The following CERKL variants were observed in gnomAD, a reference collection of about 807,000 sequenced individuals.
The protein encoded by CERKL is ceramide kinase-like protein.
CERKL carries 61 observed loss-of-function variants against 63.4 expected under a neutral mutation model. The observed-to-expected ratio is 0.96, with a 90% CI of 0.78 to 1.19. The LOEUF (loss-of-function observed/expected upper bound fraction) is 1.19, where lower values mean the gene tolerates loss of function less well. CERKL is among the 50% of genes most tolerant of loss of function. CERKL has a pLI of 0.00. For synonymous variants in CERKL, 250 were observed against 230.5 expected (o/e 1.08, Z -0.77); for missense variants, 675 against 655.5 (o/e 1.03, Z -0.33).
intron 2 of CERKL, among the ~76,000 whole-genome samples, chr2:181,582,515 A>G (rs1684559568): frequency 8.2e-6 from 1 of 122,136 alleles, no homozygotes; most frequent in African/African-American, 3.7e-5. Context: ...AATATTGTCA[A>G]CATATATATA....
At chr2:181,611,598 T>C (rs1685972431) in intron 1 of CERKL, among the ~76,000 whole-genome samples, 1 of 152,178 alleles carries the variant, frequency 6.6e-6, no homozygotes, top group African/African-American at 2.4e-5. Context: ...GGTAGGAGGA[T>C]TCCTTTAGCC....
intron 4 of CERKL, among the ~76,000 whole-genome samples, chr2:181,559,828 G>A (rs550261011): frequency 2.0e-5 from 3 of 152,108 alleles, no homozygotes; most frequent in South Asian, 2.1e-4. Context: ...TCTTTCTCTC[G>A]GCCATCTATT....
At chr2:181,572,365 A>G (rs953987647) in intron 3 of CERKL, among the ~76,000 whole-genome samples, 3 of 152,210 alleles carry the variant, frequency 2.0e-5, no homozygotes, top group Non-Finnish European at 2.9e-5. Flanking sequence ...CGCATCCTGC[A>G]CTATGTTGAA....
At chr2:181,579,919 G>A (rs1684426733) in intron 2 of CERKL, among the ~76,000 whole-genome samples, 1 of 151,658 alleles carries the variant, frequency 6.6e-6, no homozygotes, top group African/African-American at 2.4e-5. Flanking sequence ...TTTCTGCACT[G>A]CCCATCTGAG....
chr2:181,571,813 A>G (rs2105843007), intron 3 of CERKL, among the ~76,000 whole-genome samples: 1 of 152,312 alleles, frequency 6.6e-6, no homozygotes, highest in East Asian at 1.9e-4. Context: ...ATGGTTAAAT[A>G]AATGATTATT....
rs1354027087 is a variant in CERKL, at chr2:181,537,784, G to C, written c.*400C>G. On this transcript the variant is annotated 3_prime_UTR_variant, in exon 13 of 13. Coordinates refer to ENST00000410087, the MANE Select transcript of CERKL (RefSeq NM_201548.5). Reference sequence around the variant, plus strand: ...GATATCTAAAAACAGAATTTGAATTGATATTTCATCTTGACTTTTAAAGCC... The same window carrying C: ...GATATCTAAAAACAGAATTTGAATTCATATTTCATCTTGACTTTTAAAGCC... The C allele has an allele frequency of 2.2e-6, 1 of 456,556 alleles. No homozygotes were observed. The highest frequency in any genetic ancestry group is 2.4e-5 in the Admixed American group (1 of 42,012). The allele number at this position is 456,556 out of a possible 1,614,324, so 28.3% of individuals were successfully genotyped here.
intron 5 of CERKL, among the ~76,000 whole-genome samples, chr2:181,556,643 T>C (rs575315933): frequency 6.6e-6 from 1 of 152,220 alleles, no homozygotes; most frequent in African/African-American, 2.4e-5. Context: ...CAGTCTATCA[T>C]TGTTGGACAT....
chr2:181,619,488 C>A (rs545709651), intron 1 of CERKL, among the ~76,000 whole-genome samples: 3 of 152,270 alleles, frequency 2.0e-5, no homozygotes, highest in Non-Finnish European at 4.4e-5. Context: ...ACAATATCTT[C>A]ATCATTATCT....
intron 1 of CERKL, among the ~76,000 whole-genome samples, chr2:181,619,623 C>T (rs1436028713): frequency 3.3e-5 from 5 of 152,188 alleles, no homozygotes; most frequent in African/African-American, 1.2e-4. Context: ...ACACTGTATA[C>T]ATTTCCACCT....
At chr2:181,544,954 G>A (rs747115548) in intron 10 of CERKL, among the ~76,000 whole-genome samples, 158 bp from the exon 11 acceptor site, 13 of 152,050 alleles carry the variant, frequency 8.5e-5, no homozygotes, top group Non-Finnish European at 1.3e-4. Flanking sequence ...TTCATAAACC[G>A]TATCTTGCTA....
At chr2:181,608,568 G>T (rs550090090) in intron 1 of CERKL, among the ~76,000 whole-genome samples, 1 of 152,214 alleles carries the variant, frequency 6.6e-6, no homozygotes, top group Non-Finnish European at 1.5e-5. Context: ...ACAACTCAAT[G>T]ACTATTCCAA....
chr2:181,641,608 A>G (rs1687446577), intron 1 of CERKL, among the ~76,000 whole-genome samples: 4 of 152,106 alleles, frequency 2.6e-5, no homozygotes, highest in Admixed American at 2.6e-4. Flanking sequence ...CATTTTTCAA[A>G]AGCTATATCT....
chr2:181,624,109 G>A (rs1213131852), intron 1 of CERKL, among the ~76,000 whole-genome samples: 1 of 152,142 alleles, frequency 6.6e-6, no homozygotes, highest in East Asian at 1.9e-4. Flanking sequence ...GCAGGAGAGG[G>A]ATAAGACATA....
intron 1 of CERKL, among the ~76,000 whole-genome samples, chr2:181,644,417 T>C (rs1200406168): frequency 1.3e-5 from 2 of 152,246 alleles, no homozygotes; most frequent in East Asian, 1.9e-4. Flanking sequence ...AAAATGACCA[T>C]AATTTAAGAT....
At chr2:181,653,952 ATAAC>A (rs905377688) in intron 1 of CERKL, among the ~76,000 whole-genome samples, 15 of 152,244 alleles carry the variant, frequency 9.9e-5, no homozygotes, top group Admixed American at 3.9e-4. Flanking sequence ...GAGGTGAAGG[ATAAC>A]TAACTACTTT....
intron 1 of CERKL, among the ~76,000 whole-genome samples, chr2:181,624,047 C>T (rs1451820895): frequency 6.6e-6 from 1 of 152,058 alleles, no homozygotes; most frequent in South Asian, 2.1e-4. Flanking sequence ...GTGGCAAATG[C>T]ATACTTGGTG....
At chr2:181,622,122 A>C (rs894172429) in intron 1 of CERKL, among the ~76,000 whole-genome samples, 1 of 152,236 alleles carries the variant, frequency 6.6e-6, no homozygotes, top group Admixed American at 6.5e-5. Context: ...AGTCTTAACT[A>C]TTTTTAAGAA....
chr2:181,629,032 A>T (rs1686834130), intron 1 of CERKL, among the ~76,000 whole-genome samples: 1 of 152,198 alleles, frequency 6.6e-6, no homozygotes, highest in Non-Finnish European at 1.5e-5. Flanking sequence ...TATTCATCAA[A>T]AACAGAAGCA....
At chr2:181,622,623 G>A (rs6725106) in intron 1 of CERKL, among the ~76,000 whole-genome samples, 5,856 of 152,098 alleles carry the variant, frequency 0.039, 336 homozygotes, top group African/African-American at 0.13. Flanking sequence ...ATCTTGGGGA[G>A]AAAAACAAAA....
Sources: allele counts gnomAD v4.1 joint callset (sites outside exome capture counted in the v4.1 genomes callset), GRCh38; gene constraint gnomAD v4.1.1; transcripts MANE v1.5; gene names NCBI Gene and HGNC (gene_info 2026-07-23, HGNC 2026-07-21).